COLEC12: variants seen among roughly 807,000 people sequenced by gnomAD.
COLEC12 encodes the protein collectin-12.
COLEC12 carries 33 observed loss-of-function variants against 71.1 expected under a neutral mutation model. The ratio of observed to expected loss-of-function variants is 0.46; its 90% CI spans 0.35 to 0.62. The LOEUF (loss-of-function observed/expected upper bound fraction) is 0.62, where lower values mean the gene tolerates loss of function less well. Among genes scored for constraint, COLEC12 ranks in the 20% least tolerant of loss-of-function variants. COLEC12 has a pLI of 0.00. For synonymous variants in COLEC12, 350 were observed against 353.0 expected, an observed-to-expected ratio of 0.99 and a Z score of 0.10; for missense variants, 765 against 916.1, an observed-to-expected ratio of 0.84 and a Z score of 2.13.
At chr18:468,261 CAAA>C (rs5822568) in intron 2 of COLEC12, among the ~76,000 whole-genome samples, 5 of 125,648 alleles carry the variant, frequency 4.0e-5, no homozygotes, top group African/African-American at 6.2e-5. Context: ...GACTCCGTCT[CAAA>C]AAAAAAAAAA....
intron 2 of COLEC12, among the ~76,000 whole-genome samples, chr18:464,070 C>T (rs1046219849): frequency 2.0e-5 from 3 of 152,298 alleles, no homozygotes; most frequent in East Asian, 1.9e-4. Flanking sequence ...CCTGCCTGTC[C>T]GCGTGTGCTC....
At position 346,193 on chromosome 18, in the gene COLEC12, G is replaced by A. The variant is rs373554733; in HGVS notation, c.1327+102C>T. ...TGAATTCCTGGTCCACAAAAACTAT[G>A]AGATGATGAATATTTATTGTTTTAA... On this transcript the variant is annotated intron_variant, in intron 5 of 9. Transcript: ENST00000400256. This position sits in a 1 kb window ranked among gnomAD's most constrained non-coding sequence, Gnocchi z 4.0. 1.5e-5 allele frequency: 13 copies of A among 841,710 alleles called. No homozygotes were observed. In the East Asian group the frequency reaches 1.8e-4, roughly 11 times the overall value. 52.1% of individuals were successfully genotyped at this position (841,710 alleles called of 1,614,324 possible).
chr18:337,310 C>T (rs1275146270), intron 5 of COLEC12, among the ~76,000 whole-genome samples: 1 of 152,164 alleles, frequency 6.6e-6, no homozygotes, highest in Non-Finnish European at 1.5e-5. Flanking sequence ...GGTCTGAGGA[C>T]AGGACCTTCC....
intron 2 of COLEC12, among the ~76,000 whole-genome samples, chr18:443,687 G>A (rs1916589264): frequency 6.6e-6 from 1 of 152,214 alleles, no homozygotes; most frequent in Admixed American, 6.5e-5. Context: ...ATGGGAAGGA[G>A]AAAGCAAAGA....
intron 2 of COLEC12, among the ~76,000 whole-genome samples, chr18:410,702 G>C (rs999276093): frequency 3.3e-5 from 5 of 152,080 alleles, no homozygotes; most frequent in Non-Finnish European, 7.4e-5. Context: ...TGGGATTACA[G>C]GCGTGAGCCA....
At chr18:347,976 T>C in intron 4 of COLEC12, 89 bp downstream of exon 4, 1 of 779,006 alleles carries the variant, frequency 1.3e-6, no homozygotes, top group Non-Finnish European at 2.1e-6. Context: ...TCCGGGTGAA[T>C]GGGGAGTTTA....
intron 2 of COLEC12, among the ~76,000 whole-genome samples, chr18:466,128 T>C (rs145461589): frequency 0.014 from 2,162 of 151,980 alleles, 51 homozygotes; most frequent in Non-Finnish European, 0.014. Context: ...TAGTCCCAGC[T>C]ACTAGGGAGG....
At chr18:417,589 G>T (rs775595161) in intron 2 of COLEC12, among the ~76,000 whole-genome samples, 2 of 152,148 alleles carry the variant, frequency 1.3e-5, no homozygotes, top group Non-Finnish European at 2.9e-5. Flanking sequence ...GACTTATCTT[G>T]CCCTACCTTC....
At chr18:394,433 T>C (rs1228538277) in intron 2 of COLEC12, among the ~76,000 whole-genome samples, 1 of 152,258 alleles carries the variant, frequency 6.6e-6, no homozygotes, top group East Asian at 1.9e-4. Flanking sequence ...GTTTCTCGTT[T>C]AAGAATCCAA....
intron 2 of COLEC12, among the ~76,000 whole-genome samples, chr18:442,794 T>C (rs2079370487): frequency 6.6e-6 from 1 of 152,208 alleles, no homozygotes; most frequent in African/African-American, 2.4e-5. Flanking sequence ...ACCCTGTCTC[T>C]ATTAAAAACA....
At chr18:406,278 G>A (rs1406350802) in intron 2 of COLEC12, among the ~76,000 whole-genome samples, 1 of 152,124 alleles carries the variant, frequency 6.6e-6, no homozygotes, top group Non-Finnish European at 1.5e-5. Context: ...GGGAGGCCGA[G>A]GCGGGTGGAT....
At chr18:461,237 T>A (rs548500980) in intron 2 of COLEC12, among the ~76,000 whole-genome samples, 27 of 152,242 alleles carry the variant, frequency 1.8e-4, no homozygotes, top group Admixed American at 7.8e-4. Flanking sequence ...AAATTTTTTC[T>A]AGTAGCAATA....
At chr18:494,392 T>C (rs1917671866) in intron 1 of COLEC12, among the ~76,000 whole-genome samples, 1 of 152,116 alleles carries the variant, frequency 6.6e-6, no homozygotes, top group Admixed American at 6.5e-5. Context: ...CTAAAACAAC[T>C]TGAGTTCCTA....
rs1214708412 is a variant in COLEC12 at position 480,605 on chromosome 18, G to A, written c.58+102C>T. The A allele has an allele frequency of 4.0e-6, 4 of 1,007,768 alleles. No homozygotes were observed. The highest frequency in any genetic ancestry group is 4.8e-5 in the East Asian group (2 of 42,064). 62.4% of individuals were successfully genotyped at this position (1,007,768 alleles called of 1,614,324 possible). On this transcript the variant is annotated intron_variant, in intron 2 of 9. Coordinates refer to ENST00000400256, the MANE Select transcript of COLEC12 (RefSeq NM_130386.3). The surrounding 1 kb of genome is among the most constrained non-coding windows in gnomAD (Gnocchi z 4.1). ...GGACCTCAGAGCCACAAACACCCAT[G>A]TGCATGAAGGGCCTGCCAGTGGCCT... is the stretch of plus-strand genomic sequence containing the variant.
intron 2 of COLEC12, among the ~76,000 whole-genome samples, chr18:446,271 C>T (rs754509497): frequency 6.6e-6 from 1 of 151,702 alleles, no homozygotes; most frequent in Non-Finnish European, 1.5e-5. Flanking sequence ...TGTGTGTGCA[C>T]GTGTGCATAT....
At chr18:361,647 C>A (rs1223428007) in intron 2 of COLEC12, among the ~76,000 whole-genome samples, 2 of 152,176 alleles carry the variant, frequency 1.3e-5, no homozygotes, top group Non-Finnish European at 2.9e-5. Flanking sequence ...CTCTTTACAT[C>A]CAATAAGGGT....
At chr18:387,833 A>AT (rs1398652698) in intron 2 of COLEC12, among the ~76,000 whole-genome samples, 1 of 152,182 alleles carries the variant, frequency 6.6e-6, no homozygotes, top group Admixed American at 6.5e-5. Context: ...TTATCAGAAT[A>AT]TTTTTCCTTA....
At chr18:451,696 G>C (rs149640341) in intron 2 of COLEC12, among the ~76,000 whole-genome samples, 1 of 151,638 alleles carries the variant, frequency 6.6e-6, no homozygotes, top group African/African-American at 2.4e-5. Context: ...GCAGTGAGTC[G>C]AGATCACGCC....
chr18:346,379 C>A lies in COLEC12; in HGVS notation c.1243G>T (p.Ala415Ser). ...LMRSRLDTEV[A>S]NLSVIMEEMK... ...TCTTCCATAATCACTGATAAGTTGG[C>A]TACTTCAGTGTCTAACCTCGACCTC... is the stretch of plus-strand genomic sequence containing the variant. The change falls in exon 5 of 10, where the codon GCC becomes TCC. Residue 415 changes from alanine to serine, a missense_variant. Transcript: ENST00000400256. This position sits in a 1 kb window ranked among gnomAD's most constrained non-coding sequence, Gnocchi z 4.0. The A allele has an allele frequency of 6.2e-6, 10 of 1,614,076 alleles. No individual in the cohort carries two copies. Among genetic ancestry groups the A allele is most frequent in the Non-Finnish European group, 7.6e-6 (9 of 1,179,954 alleles).
Sources: gnomAD v4.1 joint callset for allele counts (sites outside exome capture counted in the v4.1 genomes callset) on GRCh38, gnomAD v4.1.1 for gene constraint, Gnocchi (gnomAD v3.1) non-coding constraint, MANE v1.5 for transcripts, NCBI Gene and HGNC (gene_info 2026-07-23, HGNC 2026-07-21) for gene names.